DIAPH3: variants seen among roughly 807,000 people sequenced by gnomAD.
The protein encoded by DIAPH3 is diaphanous related formin 3.
In DIAPH3, 117 loss-of-function variants were observed where a neutral mutation model predicts 144.3. The observed-to-expected ratio is 0.81, with a 90% CI of 0.70 to 0.95. The LOEUF (loss-of-function observed/expected upper bound fraction) is 0.95, where lower values mean the gene tolerates loss of function less well. Among genes scored for constraint, DIAPH3 ranks in the 40% least tolerant of loss-of-function variants. The pLI is 0.00. For missense variants in DIAPH3, 1,421 were observed against 1,412.7 expected (o/e 1.01, Z -0.09); for synonymous variants, 519 against 488.9 (o/e 1.06, Z -0.81).
At chr13:59,805,385 AAATT>A (rs1337423003) in intron 25 of DIAPH3, among the ~76,000 whole-genome samples, 1 of 152,070 alleles carries the variant, frequency 6.6e-6, no homozygotes, top group East Asian at 1.9e-4. Flanking sequence ...TAATCACATA[AAATT>A]ATTACTACTA....
intron 3 of DIAPH3, among the ~76,000 whole-genome samples, chr13:60,096,118 A>C (rs1295867402): frequency 6.6e-6 from 1 of 152,250 alleles, no homozygotes; most frequent in African/African-American, 2.4e-5. Context: ...TTATCCACAA[A>C]GAATTTCACT....
At chr13:59,763,259 T>C (rs2037696681) in intron 27 of DIAPH3, among the ~76,000 whole-genome samples, 1 of 151,824 alleles carries the variant, frequency 6.6e-6, no homozygotes, top group Non-Finnish European at 1.5e-5. Context: ...TAAGTGTATA[T>C]ACATATGTAC....
At chr13:60,158,906 TAAAAAAAAA>T (rs71197285) in intron 1 of DIAPH3, among the ~76,000 whole-genome samples, 5 of 76,920 alleles carry the variant, frequency 6.5e-5, no homozygotes, top group South Asian at 6.0e-4. Context: ...TGGCCCCTCT[TAAAAAAAAA>T]AAAAAAAAAA....
Position 59,833,140 on chromosome 13 carries a change from A to G in DIAPH3, c.2994T>C (p.Leu998=), listed in dbSNP as rs182679873. Residue 998 remains leucine, a synonymous_variant, in exon 24 of 28, where the codon CTT becomes CTC. Transcript: ENST00000400324. The stretch of plus-strand genomic sequence containing the variant: ...TGGTTCTGAAGTTATTCAGGTCAGT[A>G]AGAAAGTCTTCCACAGACACCTTCT... ...DVKKVSVEDF[L]TDLNNFRTTF... 1 of 1,610,772 alleles carries G rather than the reference A, an allele frequency of 6.2e-7. No individual in the cohort carries two copies. Among genetic ancestry groups the G allele is most frequent in the East Asian group, 2.2e-5 (1 of 44,728 alleles).
At chr13:60,120,785 T>C (rs960149080) in intron 2 of DIAPH3, among the ~76,000 whole-genome samples, 5 of 152,128 alleles carry the variant, frequency 3.3e-5, no homozygotes, top group African/African-American at 1.2e-4. Flanking sequence ...TGGAAATAGA[T>C]ACTCCAGCCC....
intron 17 of DIAPH3, among the ~76,000 whole-genome samples, chr13:59,957,566 G>A (rs935980402): frequency 3.9e-5 from 6 of 152,106 alleles, no homozygotes; most frequent in African/African-American, 1.4e-4. Context: ...CATGAGAACA[G>A]ACAATTATAG....
intron 5 of DIAPH3, among the ~76,000 whole-genome samples, chr13:60,033,752 T>C (rs1193949042): frequency 6.6e-6 from 1 of 152,272 alleles, no homozygotes; most frequent in East Asian, 1.9e-4. Flanking sequence ...CCAAACTATA[T>C]CAATTATTAT....
intron 21 of DIAPH3, among the ~76,000 whole-genome samples, chr13:59,874,862 C>T (rs1437810350): frequency 6.6e-6 from 1 of 152,162 alleles, no homozygotes; most frequent in Non-Finnish European, 1.5e-5. Flanking sequence ...TTGTATTGAT[C>T]AGAATGATCT....
In DIAPH3 at chr13:59,992,470, T is replaced by A; in HGVS notation, c.1125+3A>T. On this transcript the variant is annotated splice_donor_region_variant and intron_variant, in intron 10 of 27. Transcript: ENST00000400324. ...ATTAATAAGGAGACTGCAGGGCACT[T>A]ACTGGCAATATCTCTTTCAATCCAC... is the stretch of plus-strand genomic sequence containing the variant. 6.2e-7 allele frequency: 1 copy of A among 1,608,574 alleles called. No homozygotes were observed. Among genetic ancestry groups the A allele is most frequent in the Non-Finnish European group, 8.5e-7 (1 of 1,176,532 alleles).
chr13:59,694,089 A>C (rs2033674033), intron 27 of DIAPH3, among the ~76,000 whole-genome samples: 2 of 152,186 alleles, frequency 1.3e-5, no homozygotes, highest in Non-Finnish European at 2.9e-5. Flanking sequence ...GAAAGGACAG[A>C]TATGAAAGAT....
chr13:59,982,502 A>G (rs1054235671), intron 13 of DIAPH3, among the ~76,000 whole-genome samples: 2 of 151,508 alleles, frequency 1.3e-5, no homozygotes, highest in Non-Finnish European at 3.0e-5. Context: ...TTCTTCACTA[A>G]TTATATTTCA....
At chr13:59,983,647 A>G (rs895168593) in intron 13 of DIAPH3, 122 bp downstream of exon 13, 1 of 676,986 alleles carries the variant, frequency 1.5e-6, no homozygotes, top group African/African-American at 1.8e-5. Flanking sequence ...GCTATTATGA[A>G]AACAGTTTTG....
chr13:60,015,535 G>A (rs1178528059), intron 7 of DIAPH3, among the ~76,000 whole-genome samples: 1 of 151,776 alleles, frequency 6.6e-6, no homozygotes, highest in Non-Finnish European at 1.5e-5. Context: ...GACTCACGCC[G>A]TACTTTTGAG....
chr13:59,774,038 C>A lies in DIAPH3; in HGVS notation c.3319+151G>T, dbSNP rs560749890. 1.2e-5 allele frequency: 9 copies of A among 732,714 alleles called. No individual in the cohort carries two copies. In the South Asian group the frequency reaches 1.4e-4, roughly 11 times the overall value. 45.4% of individuals were successfully genotyped at this position (732,714 alleles called of 1,614,324 possible). A position where few individuals can be genotyped will look rare whatever the true frequency, so the allele number is the denominator to read the frequency against. On this transcript the variant is annotated intron_variant, in intron 27 of 27. Transcript: ENST00000400324. ...AATATAAGGATGAAAAATACGAGTA[C>A]GCAATCTCATAGCAAATATGTACAT... is the stretch of plus-strand genomic sequence containing the variant.
chr13:60,150,162 C>A (rs1239830631), intron 1 of DIAPH3, among the ~76,000 whole-genome samples: 2 of 152,082 alleles, frequency 1.3e-5, no homozygotes, highest in African/African-American at 4.8e-5. Context: ...GCTGGGACTT[C>A]AGAAATGCAC....
chr13:59,941,242 A>G (rs972090196), intron 17 of DIAPH3, among the ~76,000 whole-genome samples: 1 of 152,164 alleles, frequency 6.6e-6, no homozygotes, highest in African/African-American at 2.4e-5. Flanking sequence ...GGGCCCTACT[A>G]TAAGGAGTGG....
At chr13:59,790,715 A>G (rs79542450) in intron 25 of DIAPH3, among the ~76,000 whole-genome samples, 11,809 of 152,194 alleles carry the variant, frequency 0.078, 583 homozygotes, top group South Asian at 0.18. Context: ...AAAATTGGTG[A>G]AGAAAAAGAA....
At chr13:59,782,858 G>T (rs966293294) in intron 25 of DIAPH3, among the ~76,000 whole-genome samples, 4 of 152,186 alleles carry the variant, frequency 2.6e-5, no homozygotes, top group African/African-American at 4.8e-5. Flanking sequence ...AGCTAAAGCT[G>T]TCAGGAAAGC....
intron 1 of DIAPH3, among the ~76,000 whole-genome samples, 198 bp downstream of exon 1, chr13:60,163,389 T>C (rs1012438308): frequency 2.6e-5 from 4 of 152,154 alleles, no homozygotes; most frequent in Non-Finnish European, 4.4e-5. Context: ...GTTAAGAAAT[T>C]TGGGGGCAAC....
Sources: gnomAD v4.1 joint callset for allele counts (sites outside exome capture counted in the v4.1 genomes callset) on GRCh38, gnomAD v4.1.1 for gene constraint, MANE v1.5 for transcripts, NCBI Gene and HGNC (gene_info 2026-07-23, HGNC 2026-07-21) for gene names.